AXIN1: variants seen among roughly 807,000 people sequenced by gnomAD.
The protein encoded by AXIN1 is axin 1.
A neutral mutation model predicts 76.4 loss-of-function variants in AXIN1; 30 were observed. The observed-to-expected ratio is 0.39, with a 90% CI of 0.29 to 0.53. The LOEUF (loss-of-function observed/expected upper bound fraction) is 0.53, where lower values mean the gene tolerates loss of function less well. Among genes scored for constraint, AXIN1 ranks in the 20% least tolerant of loss-of-function variants. AXIN1 has a pLI of 0.66. For missense variants in AXIN1, 1,140 were observed against 1,198.8 expected (o/e 0.95, Z 0.72); for synonymous variants, 545 against 501.4 (o/e 1.09, Z -1.16).
chr16:302,794 G>C (rs1297601419), intron 5 of AXIN1, among the ~76,000 whole-genome samples: 2 of 152,200 alleles, frequency 1.3e-5, no homozygotes, highest in African/African-American at 4.8e-5. Context: ...TCATATTCAC[G>C]AACATTGAAA....
intron 2 of AXIN1, among the ~76,000 whole-genome samples, chr16:338,817 G>A (rs920893805): frequency 2.6e-5 from 4 of 152,166 alleles, no homozygotes; most frequent in Non-Finnish European, 5.9e-5. Flanking sequence ...CAGCTACTCG[G>A]GAGGCTGAGA....
intron 10 of AXIN1, 48 bp downstream of exon 10, chr16:289,392 C>T (rs1237075384): frequency 1.4e-5 from 23 of 1,608,230 alleles, no homozygotes; most frequent in Non-Finnish European, 2.0e-5. Flanking sequence ...TACCGTTGGG[C>T]ACCCACATAC....
intron 3 of AXIN1, among the ~76,000 whole-genome samples, chr16:310,609 G>A (rs1365582356): frequency 6.6e-6 from 1 of 152,200 alleles, no homozygotes; most frequent in Non-Finnish European, 1.5e-5. Flanking sequence ...GTGTTAGCCA[G>A]GAGAGTCTCG....
intron 2 of AXIN1, among the ~76,000 whole-genome samples, chr16:328,040 G>C (rs2053618206): frequency 6.6e-6 from 1 of 152,194 alleles, no homozygotes; most frequent in South Asian, 2.1e-4. Flanking sequence ...AAAGCCAAGA[G>C]TTCAAGACCC....
At chr16:339,805 C>T (rs1056863277) in intron 2 of AXIN1, among the ~76,000 whole-genome samples, 1 of 152,236 alleles carries the variant, frequency 6.6e-6, no homozygotes, top group African/African-American at 2.4e-5. Flanking sequence ...TCACAAGCAC[C>T]TCTGCCCCCT....
intron 2 of AXIN1, among the ~76,000 whole-genome samples, chr16:341,253 G>A (rs1180501834): frequency 6.6e-6 from 1 of 152,270 alleles, no homozygotes; most frequent in Non-Finnish European, 1.5e-5. Context: ...TCAGCTTGCG[G>A]GGAGGTGTGG....
chr16:329,621 T>G (rs920516889), intron 2 of AXIN1, among the ~76,000 whole-genome samples: 1 of 151,890 alleles, frequency 6.6e-6, no homozygotes, highest in Non-Finnish European at 1.5e-5. Flanking sequence ...AATTTTTGTT[T>G]TTTTTTGTTT....
chr16:344,234 A>C (rs1018754169), intron 2 of AXIN1, among the ~76,000 whole-genome samples: 1 of 151,898 alleles, frequency 6.6e-6, no homozygotes, highest in African/African-American at 2.4e-5. Flanking sequence ...GATCGAGACC[A>C]TCCTGGCTAA....
chr16:319,498 AC>A (rs1013963429), intron 2 of AXIN1, among the ~76,000 whole-genome samples: 1 of 152,110 alleles, frequency 6.6e-6, no homozygotes, highest in African/African-American at 2.4e-5. Flanking sequence ...AGCTACAAGG[AC>A]CCTATTAGCT....
chr16:340,320 G>C (rs1035170211), intron 2 of AXIN1, among the ~76,000 whole-genome samples: 3 of 152,208 alleles, frequency 2.0e-5, no homozygotes, highest in Non-Finnish European at 4.4e-5. Flanking sequence ...ATCCACAAGT[G>C]CATCACTGGA....
chr16:288,976 C>T (rs2052472337), intron 10 of AXIN1, among the ~76,000 whole-genome samples: 1 of 152,208 alleles, frequency 6.6e-6, no homozygotes, highest in Non-Finnish European at 1.5e-5. Context: ...CCCTCTCAGT[C>T]CTGTGGGGCC....
In AXIN1 at chr16:346,192, C is replaced by T. The variant is rs940654149; in HGVS notation, c.834G>A (p.Pro278=). 1.1e-5 allele frequency: 17 copies of T among 1,613,934 alleles called. No individual in the cohort carries two copies. The highest frequency in any genetic ancestry group is 4.5e-5 in the East Asian group (2 of 44,884). ...TGTACCGTCTACTGGAGGAGACCCT[C>T]GGGGCAGCTGTCTCCAGGAGCAGCT... ...PQKLLLETAA[P]RVSSSRRYSE... Residue 278 remains proline, a synonymous_variant, in exon 2 of 11, where the codon CCG becomes CCA. Transcript: ENST00000262320.
At chr16:290,079 G>A in intron 9 of AXIN1, 1 of 242,564 alleles carries the variant, frequency 4.1e-6, no homozygotes, top group South Asian at 5.2e-5. Flanking sequence ...AGGCCCTTCA[G>A]AGGGGGCAGG....
At position 291,312 on chromosome 16, in the gene AXIN1, G is replaced by A. The variant is rs966526265; in HGVS notation, c.2187-15C>T. 9.6e-6 allele frequency: 15 copies of A among 1,560,436 alleles called. No individual in the cohort carries two copies. Among genetic ancestry groups the A allele is most frequent in the Admixed American group, 3.9e-5 (2 of 51,910 alleles). On this transcript the variant is annotated splice_polypyrimidine_tract_variant and intron_variant, in intron 8 of 10. Transcript: ENST00000262320. ...CCTGCACATACCTAGGGAACAACCCGCGTCAAAGGTGGCTGTGCCGGCGGC... is the reference window on the plus strand; with the variant it reads ...CCTGCACATACCTAGGGAACAACCCACGTCAAAGGTGGCTGTGCCGGCGGC...
At chr16:319,468 A>T (rs989928372) in intron 2 of AXIN1, among the ~76,000 whole-genome samples, 3 of 152,202 alleles carry the variant, frequency 2.0e-5, no homozygotes, top group Non-Finnish European at 4.4e-5. Flanking sequence ...TGTCATAAAC[A>T]AACACCTGTG....
intron 2 of AXIN1, among the ~76,000 whole-genome samples, chr16:341,548 C>A (rs1024790846): frequency 6.6e-5 from 10 of 152,262 alleles, no homozygotes; most frequent in Admixed American, 5.9e-4. Context: ...GCCCCCCACC[C>A]CCTCCGTGGG....
intron 5 of AXIN1, 123 bp from the exon 6 acceptor site, chr16:298,374 G>C: frequency 7.9e-7 from 1 of 1,272,468 alleles, no homozygotes; most frequent in Non-Finnish European, 1.1e-6. Context: ...GTGGCCGGGG[G>C]CCCCTCGCCA....
intron 9 of AXIN1, chr16:290,219 C>T (rs1033806197): frequency 6.1e-6 from 1 of 165,070 alleles, no homozygotes; most frequent in Non-Finnish European, 1.3e-5. Flanking sequence ...CCCGCCGCCA[C>T]CTGTCCTTCA....
chr16:350,241 A>C (rs897890142), intron 1 of AXIN1, among the ~76,000 whole-genome samples: 1 of 152,186 alleles, frequency 6.6e-6, no homozygotes, highest in African/African-American at 2.4e-5. Flanking sequence ...ATGTTGTTGA[A>C]ACATGTCCCA....
Sources: allele counts gnomAD v4.1 joint callset (sites outside exome capture counted in the v4.1 genomes callset), GRCh38; gene constraint gnomAD v4.1.1; transcripts MANE v1.5; gene names NCBI Gene and HGNC (gene_info 2026-07-23, HGNC 2026-07-21).